COL24A1: variants seen among roughly 807,000 people sequenced by gnomAD.
The protein encoded by COL24A1 is collagen alpha-1(XXIV) chain.
A neutral mutation model predicts 253.9 loss-of-function variants in COL24A1; 224 were observed. That is an observed-to-expected ratio of 0.88 (90% confidence interval 0.79 to 0.99). COL24A1 has a LOEUF of 0.99. Ranked by LOEUF, COL24A1 falls within the 50% of genes least tolerant of loss-of-function variation. The probability of loss-of-function intolerance (pLI) is 0.00; values close to 1 mark genes in which losing one functional copy is unlikely to be tolerated. For missense variants in COL24A1, 2,131 were observed against 2,068.5 expected (o/e 1.03, Z -0.59); for synonymous variants, 685 against 673.7 (o/e 1.02, Z -0.26).
In COL24A1 at chr1:86,124,848, A is replaced by G; in HGVS notation, c.1488T>C (p.Pro496=). The G allele has an allele frequency of 2.0e-6, 3 of 1,527,224 alleles. No individual in the cohort carries two copies. Among genetic ancestry groups the G allele is most frequent in the South Asian group, 1.3e-5 (1 of 76,566 alleles). The allele number at this position is 1,527,224 out of a possible 1,614,324, so 94.6% of individuals were successfully genotyped here. ...TATTAAAAAAAAAAAAACTTACGGG[A>G]GGTCCAGTGTCTCCTTTTGGCCCTC... ...YLRGPKGDTG[P]PGPPGPAGIP... The change falls in exon 3 of 60, where the codon CCT becomes CCC. Residue 496 remains proline, a synonymous_variant. Coordinates refer to ENST00000370571, the MANE Select transcript of COL24A1 (RefSeq NM_152890.7).
intron 19 of COL24A1, among the ~76,000 whole-genome samples, chr1:85,999,561 G>A (rs1227851136): frequency 6.6e-6 from 1 of 152,034 alleles, no homozygotes; most frequent in Non-Finnish European, 1.5e-5. Context: ...GGCTGCAGCT[G>A]CAGTGGCCGT....
At chr1:86,019,097 C>T (rs981879406) in intron 18 of COL24A1, among the ~76,000 whole-genome samples, 2 of 152,108 alleles carry the variant, frequency 1.3e-5, no homozygotes, top group African/African-American at 2.4e-5. Context: ...ATTCTTTCCA[C>T]GACAGTAAAC....
intron 59 of COL24A1, among the ~76,000 whole-genome samples, chr1:85,734,254 T>C (rs1273603612): frequency 6.6e-6 from 1 of 152,182 alleles, no homozygotes; most frequent in Non-Finnish European, 1.5e-5. Flanking sequence ...AAATACTTAC[T>C]GGTGGGGCCA....
intron 55 of COL24A1, among the ~76,000 whole-genome samples, chr1:85,760,411 G>A (rs1666735774): frequency 6.6e-6 from 1 of 152,144 alleles, no homozygotes; most frequent in Admixed American, 6.6e-5. Flanking sequence ...AGGCCAGAAA[G>A]GGGAAGTGAT....
rs770566760 is a variant in COL24A1, at chr1:85,744,778, G to A, written c.4560C>T (p.Thr1520=). Residue 1520 remains threonine, a synonymous_variant, in exon 57 of 60, where the codon ACC becomes ACT. Coordinates refer to ENST00000370571, the MANE Select transcript of COL24A1 (RefSeq NM_152890.7). ...GCAATAAATTGCTAAGGTAGTTCAG[G>A]GTTTTGAATATCTCTTCACTGTGGT... ...LIDHSEEIFK[T]LNYLSNLLHS... 9 of 1,609,220 alleles carry A rather than the reference G, an allele frequency of 5.6e-6. No individual in the cohort carries two copies. The highest frequency in any genetic ancestry group is 1.1e-5 in the South Asian group (1 of 90,712).
At chr1:86,025,426 T>G (rs978714615) in intron 14 of COL24A1, among the ~76,000 whole-genome samples, 4 of 152,008 alleles carry the variant, frequency 2.6e-5, no homozygotes, top group African/African-American at 9.7e-5. Context: ...TTAATAAGGG[T>G]TCATATGGTA....
chr1:86,098,270 A>C (rs1704159773), intron 5 of COL24A1, among the ~76,000 whole-genome samples: 1 of 152,146 alleles, frequency 6.6e-6, no homozygotes. Context: ...AAGAAAATTA[A>C]AAGAAAGAAG....
At chr1:85,933,106 G>A (rs201686005) in intron 24 of COL24A1, among the ~76,000 whole-genome samples, 32 of 60,890 alleles carry the variant, frequency 5.3e-4, no homozygotes, top group South Asian at 1.1e-3. Flanking sequence ...AAAAAAGAAA[G>A]AAAGAAAAAA....
intron 51 of COL24A1, 114 bp from the exon 52 acceptor site, chr1:85,781,387 A>G (rs999499884): frequency 3.0e-6 from 2 of 659,306 alleles, no homozygotes; most frequent in Non-Finnish European, 4.9e-6. Flanking sequence ...TATCCTTTTT[A>G]GTATAAAAGC....
intron 27 of COL24A1, among the ~76,000 whole-genome samples, chr1:85,907,594 C>T (rs990495990): frequency 1.3e-5 from 2 of 151,710 alleles, no homozygotes; most frequent in Non-Finnish European, 3.0e-5. Flanking sequence ...CCTGGCCCAT[C>T]AAAAAAGCAA....
chr1:85,979,377 C>T (rs751118116), intron 20 of COL24A1, among the ~76,000 whole-genome samples: 136 of 151,476 alleles, frequency 9.0e-4, no homozygotes, highest in African/African-American at 1.4e-3. Flanking sequence ...ACAAAAAATA[C>T]AAAGATAAAT....
At chr1:86,128,567 C>G (rs942582970) in intron 2 of COL24A1, among the ~76,000 whole-genome samples, 1 of 151,904 alleles carries the variant, frequency 6.6e-6, no homozygotes, top group Non-Finnish European at 1.5e-5. Context: ...TTATTAAGAA[C>G]CCCTGCCATC....
At chr1:85,759,903 G>A (rs1226317853) in intron 55 of COL24A1, among the ~76,000 whole-genome samples, 1 of 152,108 alleles carries the variant, frequency 6.6e-6, no homozygotes, top group Non-Finnish European at 1.5e-5. Context: ...ACTTGAACTT[G>A]TTCTTTCTTG....
At chr1:85,971,637 C>T (rs954772835) in intron 20 of COL24A1, among the ~76,000 whole-genome samples, 3 of 152,148 alleles carry the variant, frequency 2.0e-5, no homozygotes, top group African/African-American at 4.8e-5. Flanking sequence ...ATTCTTCAAC[C>T]TCCAGACACC....
chr1:85,783,627 A>T, intron 50 of COL24A1, 69 bp from the exon 51 acceptor site: 1 of 1,348,056 alleles, frequency 7.4e-7, no homozygotes, highest in South Asian at 1.2e-5. Flanking sequence ...AAAACTATAT[A>T]AATCTATCAA....
At chr1:86,102,427 C>T (rs1704551782) in intron 5 of COL24A1, among the ~76,000 whole-genome samples, 1 of 152,090 alleles carries the variant, frequency 6.6e-6, no homozygotes, top group Admixed American at 6.6e-5. Flanking sequence ...CTTCTGCTAA[C>T]TTTGAGGTTA....
At chr1:86,067,097 C>G (rs1701549679) in intron 7 of COL24A1, among the ~76,000 whole-genome samples, 1 of 151,792 alleles carries the variant, frequency 6.6e-6, no homozygotes, top group African/African-American at 2.4e-5. Flanking sequence ...CGAGATTGCG[C>G]CACTGCACTC....
At chr1:85,848,155 C>T (rs1677349509) in intron 38 of COL24A1, among the ~76,000 whole-genome samples, 1 of 152,164 alleles carries the variant, frequency 6.6e-6, no homozygotes, top group Admixed American at 6.5e-5. Flanking sequence ...CTGTTCAATA[C>T]AAAAAGAGCT....
At chr1:85,878,725 C>T (rs1313008174) in intron 32 of COL24A1, among the ~76,000 whole-genome samples, 2 of 152,166 alleles carry the variant, frequency 1.3e-5, no homozygotes, top group Non-Finnish European at 2.9e-5. Flanking sequence ...TCCTGTTGCT[C>T]CACATCCTTG....
Sources: gnomAD v4.1 joint callset for allele counts (sites outside exome capture counted in the v4.1 genomes callset) on GRCh38, gnomAD v4.1.1 for gene constraint, MANE v1.5 for transcripts, NCBI Gene and HGNC (gene_info 2026-07-23, HGNC 2026-07-21) for gene names.